Variants in BCAT1 observed in about 807,000 individuals in gnomAD.
BCAT1 encodes branched-chain-amino-acid aminotransferase, cytosolic.
In BCAT1, 48 loss-of-function variants were observed where a neutral mutation model predicts 52.4. The observed-to-expected ratio is 0.92, with a 90% CI of 0.73 to 1.16. The LOEUF (loss-of-function observed/expected upper bound fraction) is 1.16. Among genes scored for constraint, BCAT1 ranks in the 50% most tolerant of loss-of-function variants. BCAT1 has a pLI of 0.00. For synonymous variants in BCAT1, 167 were observed against 161.3 expected (o/e 1.04, Z -0.27); for missense variants, 451 against 457.1 (o/e 0.99, Z 0.12).
rs1014574248 is a variant in BCAT1, at chr12:24,894,423, G to A, written c.131C>T (p.Pro44Leu). 3 of 1,609,626 alleles carry A rather than the reference G, an allele frequency of 1.9e-6. No homozygotes were observed. Among genetic ancestry groups the A allele is most frequent in the African/African-American group, 2.7e-5 (2 of 74,864 alleles). Reference sequence around the variant, plus strand: ...CACAGTTCCAAAAACCAGATTATTGGGGTCTGGTTTTTCCTTTAAAATGGT... The same window carrying A: ...CACAGTTCCAAAAACCAGATTATTGAGGTCTGGTTTTTCCTTTAAAATGGT... ...PATILKEKPD[P>L]NNLVFGTVFT... The change falls in exon 3 of 11, where the codon CCC (proline) becomes CTC (leucine). Residue 44 changes from proline to leucine, a missense_variant. Coordinates refer to ENST00000261192, the MANE Select transcript of BCAT1 (RefSeq NM_005504.7).
intron 5 of BCAT1, among the ~76,000 whole-genome samples, chr12:24,852,297 A>C (rs1941538169): frequency 6.6e-6 from 1 of 152,190 alleles, no homozygotes; most frequent in Non-Finnish European, 1.5e-5. Flanking sequence ...AATACACCCT[A>C]GTGATGAGGA....
chr12:24,827,096 ACTT>A (rs1185268464), intron 10 of BCAT1, among the ~76,000 whole-genome samples: 1 of 152,046 alleles, frequency 6.6e-6, no homozygotes, highest in Non-Finnish European at 1.5e-5. Flanking sequence ...AGCTAATTTA[ACTT>A]CTTCTTTTCC....
At chr12:24,830,191 C>T (rs536465067) in intron 9 of BCAT1, 7 of 266,154 alleles carry the variant, frequency 2.6e-5, no homozygotes, top group Admixed American at 5.3e-5. Flanking sequence ...GGAGGAGCTA[C>T]AGTTACCTAA....
At chr12:24,849,432 C>A (rs1429810210) in intron 6 of BCAT1, among the ~76,000 whole-genome samples, 1 of 152,218 alleles carries the variant, frequency 6.6e-6, no homozygotes, top group Non-Finnish European at 1.5e-5. Flanking sequence ...CAGCCTGCAG[C>A]CAGAGACCAG....
intron 5 of BCAT1, among the ~76,000 whole-genome samples, chr12:24,854,647 C>A (rs988796766): frequency 1.3e-5 from 2 of 152,096 alleles, no homozygotes; most frequent in African/African-American, 2.4e-5. Flanking sequence ...ATAATAATAA[C>A]CCCCAATAGT....
At chr12:24,895,613 AG>A (rs1565487939) in intron 2 of BCAT1, among the ~76,000 whole-genome samples, 1 of 152,116 alleles carries the variant, frequency 6.6e-6, no homozygotes, top group Non-Finnish European at 1.5e-5. Flanking sequence ...TTAAAAAAAC[AG>A]GGGCAAGTTC....
intron 10 of BCAT1, among the ~76,000 whole-genome samples, chr12:24,826,701 C>A (rs188069203): frequency 5.3e-5 from 8 of 152,268 alleles, no homozygotes; most frequent in African/African-American, 1.9e-4. Flanking sequence ...ATAGGGATTG[C>A]ATTGAATCTG....
At chr12:24,903,857 G>A (rs1344591271) in intron 1 of BCAT1, 1 of 152,212 alleles carries the variant, frequency 6.6e-6, no homozygotes, top group African/African-American at 2.4e-5. Flanking sequence ...CTGGGGCAAC[G>A]TCAGCCTAAA....
chr12:24,882,594 T>C (rs924595508), intron 3 of BCAT1, among the ~76,000 whole-genome samples: 3 of 140,922 alleles, frequency 2.1e-5, no homozygotes, highest in East Asian at 2.1e-4. Flanking sequence ...TTTTTTATTA[T>C]TTATTTTTTT....
At chr12:24,888,876 A>G (rs1358263818) in intron 3 of BCAT1, among the ~76,000 whole-genome samples, 2 of 152,184 alleles carry the variant, frequency 1.3e-5, no homozygotes, top group Non-Finnish European at 2.9e-5. Flanking sequence ...AGCTGCGTCA[A>G]TCATGTTCAA....
chr12:24,892,008 T>C (rs535072156), intron 3 of BCAT1, among the ~76,000 whole-genome samples: 7 of 152,084 alleles, frequency 4.6e-5, no homozygotes, highest in South Asian at 2.1e-4. Context: ...CCGCCCGCCT[T>C]GGCCTCCCAA....
chr12:24,949,321 GC>G (rs1484264987), upstream of BCAT1: 1 of 279,160 alleles, frequency 3.6e-6, no homozygotes, highest in African/African-American at 2.2e-5. Flanking sequence ...CCCCGAATCA[GC>G]CACTGTGGGT....
Position 24,816,801 on chromosome 12 carries a change from T to A in BCAT1, c.*1207A>T, listed in dbSNP as rs1939891798. On this transcript the variant is annotated 3_prime_UTR_variant, in exon 11 of 11. Coordinates refer to ENST00000261192, the MANE Select transcript of BCAT1 (RefSeq NM_005504.7). ...GATGAAACTGTTACACCTCAGGTCA[T>A]CAAGCATTAGATTCTCATAAGGAGC... 1 of 383,094 alleles carries A rather than the reference T, an allele frequency of 2.6e-6. No homozygotes were observed. Among genetic ancestry groups the A allele is most frequent in the Admixed American group, 4.5e-5 (1 of 22,150 alleles). The allele number at this position is 383,094 out of a possible 1,614,324, so 23.7% of individuals were successfully genotyped here. A position where few individuals can be genotyped will look rare whatever the true frequency, so the allele number is the denominator to read the frequency against.
chr12:24,846,623 CACA>C (rs1488072748), intron 6 of BCAT1, among the ~76,000 whole-genome samples: 2 of 152,172 alleles, frequency 1.3e-5, no homozygotes, highest in Non-Finnish European at 2.9e-5. Flanking sequence ...GAGAAAACCT[CACA>C]ACATCAGTGA....
intron 1 of BCAT1, among the ~76,000 whole-genome samples, chr12:24,922,168 T>C (rs1026219263): frequency 9.2e-5 from 14 of 152,338 alleles, no homozygotes; most frequent in African/African-American, 2.9e-4. Context: ...TGTTCCTTTT[T>C]TTTGAGACAG....
intron 10 of BCAT1, among the ~76,000 whole-genome samples, chr12:24,826,237 T>C (rs1940393056): frequency 6.6e-6 from 1 of 152,154 alleles, no homozygotes; most frequent in African/African-American, 2.4e-5. Context: ...AGCATTTCCT[T>C]AATGTTTTCT....
chr12:24,880,382 C>T lies in BCAT1; in HGVS notation c.390+919G>A, dbSNP rs144180757. Among the ~76,000 whole-genome samples the T allele has an allele frequency of 1.1e-4, 17 of 152,140 alleles. No individual in the cohort carries two copies. The East Asian group carries it at 1.7e-3, about 16-fold the overall frequency. ...TGAGGCACAAGAATCACTTGAACCCCGGAGGTGGAGGTTGTAGTGAGCCAA... is the reference window on the plus strand; with the variant it reads ...TGAGGCACAAGAATCACTTGAACCCTGGAGGTGGAGGTTGTAGTGAGCCAA... On this transcript the variant is annotated intron_variant, in intron 4 of 10. Coordinates refer to ENST00000261192, the MANE Select transcript of BCAT1 (RefSeq NM_005504.7).
intron 6 of BCAT1, among the ~76,000 whole-genome samples, chr12:24,842,485 A>G (rs940796334): frequency 2.6e-5 from 4 of 152,240 alleles, no homozygotes; most frequent in African/African-American, 9.6e-5. Context: ...TGATAGAAGA[A>G]CACAGGTAAA....
chr12:24,865,560 CAATAT>C (rs773307136), intron 5 of BCAT1, among the ~76,000 whole-genome samples: 31 of 151,486 alleles, frequency 2.0e-4, no homozygotes, highest in Non-Finnish European at 4.1e-4. Flanking sequence ...GTTGTATCAA[CAATAT>C]AATAGTTGAT....
Sources: gnomAD v4.1 joint callset for allele counts (sites outside exome capture counted in the v4.1 genomes callset) on GRCh38, gnomAD v4.1.1 for gene constraint, MANE v1.5 for transcripts, NCBI Gene and HGNC (gene_info 2026-07-23, HGNC 2026-07-21) for gene names.